FUS: variants seen among roughly 807,000 people sequenced by gnomAD.
The protein encoded by FUS is RNA-binding protein FUS.
In FUS, 5 loss-of-function variants were observed where a neutral mutation model predicts 82.7. That is an observed-to-expected ratio of 0.06 (90% CI 0.03 to 0.13). FUS has a LOEUF of 0.13. Ranked by LOEUF, FUS falls within the 10% of genes least tolerant of loss-of-function variation. The pLI is 1.00. For synonymous variants in FUS, 281 were observed against 247.4 expected, an observed-to-expected ratio of 1.14 and a Z score of -1.27; for missense variants, 512 against 707.8, an observed-to-expected ratio of 0.72 and a Z score of 3.14.
At position 31,191,392 on chromosome 16, in the gene FUS, T is replaced by G. The variant is rs774722728; in HGVS notation, c.1542-7T>G. 1.9e-6 allele frequency: 3 copies of G among 1,611,614 alleles called. No individual in the cohort carries two copies. The East Asian group carries it at 6.7e-5, about 36-fold the overall frequency. ...TGGATACTTAATTTTTTTTTTTTTT[T>G]TTGCAGGGGTGAGCACAGACAGGAT... On this transcript the variant is annotated splice_polypyrimidine_tract_variant and splice_region_variant and intron_variant, in intron 14 of 14. Transcript: ENST00000254108.
intron 6 of FUS, 34 bp downstream of exon 6, chr16:31,185,213 T>G (rs963355152): frequency 5.7e-6 from 9 of 1,579,918 alleles, no homozygotes; most frequent in Non-Finnish European, 7.7e-6. Context: ...GTATCTTTGG[T>G]GGGGAGTGTG....
At chr16:31,185,498 C>T (rs541063082) in intron 6 of FUS, 30 of 600,706 alleles carry the variant, frequency 5.0e-5, no homozygotes, top group Non-Finnish European at 8.7e-5. Flanking sequence ...GAAGTGAAGA[C>T]TTCTTTCTCT....
At chr16:31,192,269 C>T, downstream of FUS, 1 of 526,986 alleles carries the variant, frequency 1.9e-6, no homozygotes, top group South Asian at 1.5e-5. Flanking sequence ...GTGGAAGGCC[C>T]TCCTAAGGGA....
At chr16:31,183,557 C>G in intron 3 of FUS, 1 of 427,372 alleles carries the variant, frequency 2.3e-6, no homozygotes, top group Non-Finnish European at 4.4e-6. Flanking sequence ...ACTGCACGCA[C>G]AGCTGCATAT....
chr16:31,194,110 CT>C (rs1567483058), downstream of FUS: 9 of 533,462 alleles, frequency 1.7e-5, no homozygotes, highest in East Asian at 3.5e-4. Flanking sequence ...TCAGTTAGCC[CT>C]TTCAGCTTTT....
intron 1 of FUS, 48 bp from the exon 2 acceptor site, chr16:31,182,350 T>G (rs1330446548): frequency 6.2e-7 from 1 of 1,609,904 alleles, no homozygotes; most frequent in Non-Finnish European, 8.5e-7. Flanking sequence ...AATTCAACTC[T>G]TTCAGAGTGG....
downstream of FUS, chr16:31,191,646 A>C: frequency 1.4e-6 from 1 of 708,244 alleles, no homozygotes; most frequent in Non-Finnish European, 2.6e-6. Flanking sequence ...TGGAAGATCG[A>C]TGTCCCGATC....
chr16:31,186,920 T>C, intron 7 of FUS, 84 bp downstream of exon 7: 3 of 1,365,822 alleles, frequency 2.2e-6, no homozygotes, highest in Non-Finnish European at 3.1e-6. Context: ...AGCGTGTTAA[T>C]TTAAATGTCA....
Position 31,184,443 on chromosome 16 carries a change from T to C in FUS, c.523+47T>C, listed in dbSNP as rs1181014514. 14 of 1,492,688 alleles carry C rather than the reference T, an allele frequency of 9.4e-6. No homozygotes were observed. The East Asian group carries it at 9.7e-5, about 10-fold the overall frequency. The allele number at this position is 1,492,688 out of a possible 1,614,324, so 92.5% of individuals were successfully genotyped here. ...CTGCAGCCCATTTTCTTTTTCTTTT[T>C]TTTTTTTTTTTTGAGACGGAGTCTT... On this transcript the variant is annotated intron_variant, in intron 5 of 14. Transcript: ENST00000254108.
At chr16:31,191,267 A>G in intron 14 of FUS, 132 bp from the exon 15 acceptor site, 3 of 1,464,354 alleles carry the variant, frequency 2.0e-6, no homozygotes, top group Non-Finnish European at 2.9e-6. Context: ...ACTCAGGGGG[A>G]GTGAATCTGT....
At chr16:31,184,076 G>A (rs762548014) in intron 4 of FUS, 74 bp downstream of exon 4, 4 of 1,612,426 alleles carry the variant, frequency 2.5e-6, no homozygotes, top group Non-Finnish European at 2.5e-6. Flanking sequence ...GGGACCAGCA[G>A]TAGGAGCAGT....
rs534160891 is a variant in FUS, at chr16:31,183,755, G to A, written c.191-103G>A. On this transcript the variant is annotated intron_variant, in intron 3 of 14. Transcript: ENST00000254108. ...TTGCAACATCACTAACAGCTTCTGA[G>A]AGGCTGGCTTTATGAGTATAGGTAT... 20 of 1,418,684 alleles carry A rather than the reference G, an allele frequency of 1.4e-5. No homozygotes were observed. In the African/African-American group the frequency reaches 2.1e-4, roughly 15 times the overall value. 87.9% of individuals were successfully genotyped at this position (1,418,684 alleles called of 1,614,324 possible). A position where few individuals can be genotyped will look rare whatever the true frequency, so the allele number is the denominator to read the frequency against.
rs754835435 is a variant in FUS at position 31,190,805 on chromosome 16, A to C, written c.1356A>C (p.Pro452=). Residue 452 remains proline, a synonymous_variant, in exon 13 of 15, where the codon CCA becomes CCC. Transcript: ENST00000254108. ...GCAACCAGTGTAAGGCCCCTAAACC[A>C]GATGGCCCAGGAGGGGGACCAGGTG... ...NECNQCKAPK[P]DGPGGGPGGS... is the part of the protein sequence containing the mutation. 5.6e-6 allele frequency: 9 copies of C among 1,614,244 alleles called. No individual in the cohort carries two copies. Among genetic ancestry groups the C allele is most frequent in the Non-Finnish European group, 7.6e-6 (9 of 1,180,036 alleles).
Position 31,190,833 on chromosome 16 carries a change from T to G in FUS, c.1384T>G (p.Ser462Ala), listed in dbSNP as rs199674833. 6.2e-7 allele frequency: 1 copy of G among 1,613,998 alleles called. No individual in the cohort carries two copies. The highest frequency in any genetic ancestry group is 1.1e-5 in the South Asian group (1 of 91,086). The change falls in exon 13 of 15, where the codon TCT becomes GCT. Residue 462 changes from serine to alanine, a missense_variant. Physicochemically the swap from Ser to Ala is moderately conservative, Grantham distance 99. Transcript: ENST00000254108. Reference protein sequence around the residue: ...PDGPGGGPGGSHMGGNYGDDR... With the variant: ...PDGPGGGPGGAHMGGNYGDDR... Reference sequence around the variant, plus strand: ...TGGCCCAGGAGGGGGACCAGGTGGCTCTCACATGGGTAAGAAAGGCAGACC... The same window carrying G: ...TGGCCCAGGAGGGGGACCAGGTGGCGCTCACATGGGTAAGAAAGGCAGACC...
downstream of FUS, chr16:31,194,870 A>T (rs765674689): frequency 2.1e-6 from 1 of 473,280 alleles, no homozygotes; most frequent in South Asian, 1.5e-5. Context: ...ATTCAGTAAG[A>T]ATAGTGTGTT....
intron 11 of FUS, 54 bp downstream of exon 11, chr16:31,190,195 T>TG (rs2079332593): frequency 1.2e-6 from 2 of 1,613,720 alleles, no homozygotes; most frequent in South Asian, 1.1e-5. Context: ...GTGCAGAAGA[T>TG]GGTAAAGGCT....
At chr16:31,187,404 C>T (rs370786235) in intron 7 of FUS, 2 of 236,450 alleles carry the variant, frequency 8.5e-6, no homozygotes, top group African/African-American at 2.2e-5. Context: ...GGAACATGTG[C>T]ACTACTTCAA....
At chr16:31,180,880 G>C (rs1320046083) in intron 1 of FUS, among the ~76,000 whole-genome samples, 4 of 152,092 alleles carry the variant, frequency 2.6e-5, no homozygotes. Context: ...CAACGGACTT[G>C]GGGACGGCCC....
At chr16:31,190,473 G>C in intron 12 of FUS, 75 bp downstream of exon 12, 1 of 1,601,760 alleles carries the variant, frequency 6.2e-7, no homozygotes, top group South Asian at 1.1e-5. Context: ...AGGTATGTGC[G>C]TGTTTTCCAA....
Sources: allele counts gnomAD v4.1 joint callset (sites outside exome capture counted in the v4.1 genomes callset), GRCh38; gene constraint gnomAD v4.1.1; transcripts MANE v1.5; gene names NCBI Gene and HGNC (gene_info 2026-07-23, HGNC 2026-07-21).